Variants in MCTP1 observed in about 807,000 individuals in gnomAD.
The protein encoded by MCTP1 is multiple C2 and transmembrane domain containing 1.
In MCTP1, 69 loss-of-function variants were observed where a neutral mutation model predicts 120.6. The observed-to-expected ratio is 0.57, with a 90% CI of 0.47 to 0.70. MCTP1 has a LOEUF of 0.70. Ranked by LOEUF, MCTP1 falls within the 30% of genes least tolerant of loss-of-function variation. MCTP1 has a pLI of 0.00. For synonymous variants in MCTP1, 529 were observed against 493.1 expected (o/e 1.07, Z -0.96); for missense variants, 1,203 against 1,248.8 (o/e 0.96, Z 0.55).
At chr5:94,922,170 G>A (rs1161576004) in intron 7 of MCTP1, among the ~76,000 whole-genome samples, 2 of 152,132 alleles carry the variant, frequency 1.3e-5, no homozygotes, top group African/African-American at 4.8e-5. Flanking sequence ...ATACAAGAAA[G>A]TTTGTTTATT....
At chr5:95,232,790 A>G (rs1210749400) in intron 1 of MCTP1, among the ~76,000 whole-genome samples, 2 of 152,184 alleles carry the variant, frequency 1.3e-5, no homozygotes, top group African/African-American at 4.8e-5. Flanking sequence ...GCTAATACTA[A>G]TCAAAAGAAA....
intron 1 of MCTP1, among the ~76,000 whole-genome samples, chr5:95,153,453 C>T (rs1161208847): frequency 6.6e-6 from 1 of 152,176 alleles, no homozygotes; most frequent in Non-Finnish European, 1.5e-5. Flanking sequence ...AAACTGAATC[C>T]TTGCCAGTTC....
chr5:95,253,196 A>C (rs780860153), intron 1 of MCTP1, among the ~76,000 whole-genome samples: 8 of 152,180 alleles, frequency 5.3e-5, no homozygotes, highest in Non-Finnish European at 8.8e-5. Flanking sequence ...GTGAGAACAC[A>C]TAAGGTGGAT....
chr5:95,119,939 G>A (rs915817289), intron 1 of MCTP1, among the ~76,000 whole-genome samples: 3 of 151,924 alleles, frequency 2.0e-5, no homozygotes, highest in South Asian at 2.1e-4. Context: ...TTGGGAGGCC[G>A]AGGTGGGCAG....
At chr5:95,135,333 T>C (rs556450282) in intron 1 of MCTP1, among the ~76,000 whole-genome samples, 1 of 152,326 alleles carries the variant, frequency 6.6e-6, no homozygotes, top group African/African-American at 2.4e-5. Context: ...ATGATAACTA[T>C]GACTTATTGT....
chr5:95,201,244 A>G (rs1326693824), intron 1 of MCTP1, among the ~76,000 whole-genome samples: 2 of 152,202 alleles, frequency 1.3e-5, no homozygotes, highest in Non-Finnish European at 2.9e-5. Flanking sequence ...TCCACATATC[A>G]TAGGAGCTTG....
chr5:95,203,192 C>G (rs552041110), intron 1 of MCTP1, among the ~76,000 whole-genome samples: 1 of 152,326 alleles, frequency 6.6e-6, no homozygotes, highest in East Asian at 1.9e-4. Context: ...CAGTCTGTGC[C>G]TATGTCATAC....
intron 1 of MCTP1, among the ~76,000 whole-genome samples, chr5:95,218,294 G>T (rs74938448): frequency 0.013 from 1,937 of 152,288 alleles, 45 homozygotes; most frequent in African/African-American, 0.043. Flanking sequence ...CAGGAATTTG[G>T]TTTTTGTTGT....
At chr5:95,008,952 C>G (rs939752680) in intron 2 of MCTP1, among the ~76,000 whole-genome samples, 2 of 151,756 alleles carry the variant, frequency 1.3e-5, no homozygotes, top group African/African-American at 4.8e-5. Flanking sequence ...TTCCATGAAC[C>G]CAGGAGTCTG....
At chr5:95,192,698 T>A (rs1749958255) in intron 1 of MCTP1, among the ~76,000 whole-genome samples, 1 of 152,098 alleles carries the variant, frequency 6.6e-6, no homozygotes, top group South Asian at 2.1e-4. Context: ...ATAAAATAGA[T>A]TTTATTTTAG....
intron 1 of MCTP1, among the ~76,000 whole-genome samples, chr5:95,180,277 C>T (rs1748460911): frequency 6.6e-6 from 1 of 152,216 alleles, no homozygotes; most frequent in Non-Finnish European, 1.5e-5. Context: ...ATGTAGGAGG[C>T]AGTCACTATT....
At chr5:95,059,092 C>A (rs1424695094) in intron 1 of MCTP1, among the ~76,000 whole-genome samples, 1 of 152,124 alleles carries the variant, frequency 6.6e-6, no homozygotes, top group Non-Finnish European at 1.5e-5. Context: ...GAAAACAAAT[C>A]TTTCTACTAT....
intron 14 of MCTP1, among the ~76,000 whole-genome samples, 164 bp downstream of exon 14, chr5:94,871,151 G>C (rs918732390): frequency 6.6e-6 from 1 of 151,890 alleles, no homozygotes; most frequent in African/African-American, 2.4e-5. Flanking sequence ...AACTATCATG[G>C]GATTCAACAT....
At chr5:95,185,815 G>A (rs1260645339) in intron 1 of MCTP1, among the ~76,000 whole-genome samples, 1 of 152,026 alleles carries the variant, frequency 6.6e-6, no homozygotes, top group African/African-American at 2.4e-5. Flanking sequence ...GGCCAACATG[G>A]TGAAACCCTG....
intron 17 of MCTP1, among the ~76,000 whole-genome samples, chr5:94,859,365 A>G (rs1005557672): frequency 1.3e-5 from 2 of 151,690 alleles, no homozygotes; most frequent in African/African-American, 2.4e-5. Context: ...GATAGGAGGA[A>G]TATGTTTTGT....
intron 1 of MCTP1, among the ~76,000 whole-genome samples, chr5:95,039,062 G>T (rs1378352913): frequency 6.6e-6 from 1 of 151,784 alleles, no homozygotes; most frequent in African/African-American, 2.4e-5. Context: ...CCTTAAAAAT[G>T]GGGATAAAAA....
At chr5:94,827,880 G>C (rs750694820) in intron 17 of MCTP1, among the ~76,000 whole-genome samples, 1 of 151,774 alleles carries the variant, frequency 6.6e-6, no homozygotes, top group African/African-American at 2.4e-5. Flanking sequence ...CTTTTATCAA[G>C]GTTCTTAGCC....
intron 2 of MCTP1, among the ~76,000 whole-genome samples, chr5:94,970,561 A>C (rs1284512477): frequency 6.6e-6 from 1 of 151,874 alleles, no homozygotes; most frequent in Non-Finnish European, 1.5e-5. Context: ...CCTAGATGTC[A>C]TTTTTTCCAA....
chr5:94,849,683 G>A (rs143199201), intron 17 of MCTP1, among the ~76,000 whole-genome samples: 1,549 of 152,142 alleles, frequency 0.01, 5 homozygotes, highest in Non-Finnish European at 0.016. Flanking sequence ...ACAAAAAGAG[G>A]ACCAGCTTTC....
Sources: gnomAD v4.1 joint callset for allele counts (sites outside exome capture counted in the v4.1 genomes callset) on GRCh38, gnomAD v4.1.1 for gene constraint, MANE v1.5 for transcripts, NCBI Gene and HGNC (gene_info 2026-07-23, HGNC 2026-07-21) for gene names.